NALF1: variants seen among roughly 807,000 people sequenced by gnomAD.
NALF1 encodes the protein NALCN channel auxiliary factor 1, also known as family with sequence similarity 155 member A.
NALF1 carries 3 observed loss-of-function variants against 48.4 expected under a neutral mutation model. That is an observed-to-expected ratio of 0.06 (90% CI 0.03 to 0.16). NALF1 has a LOEUF of 0.16. Ranked by LOEUF, NALF1 falls within the 10% of genes least tolerant of loss-of-function variation. The pLI, the probability that NALF1 is intolerant of heterozygous loss-of-function variation, is 1.00. For synonymous variants in NALF1, 262 were observed against 245.7 expected (o/e 1.07, Z -0.62); for missense variants, 526 against 571.5 (o/e 0.92, Z 0.81).
At position 107,210,810 on chromosome 13, in the gene NALF1, A is replaced by G. The variant is rs77079338; in HGVS notation, c.916-55T>C. Reference sequence around the variant, plus strand: ...GAGGCGTGACAACAGTTACAGTGATAGAGGCACTGTGAGAAGCGTGCAAGC... The same window carrying G: ...GAGGCGTGACAACAGTTACAGTGATGGAGGCACTGTGAGAAGCGTGCAAGC... On this transcript the variant is annotated intron_variant, in intron 1 of 2. Transcript: ENST00000375915. The G allele has an allele frequency of 1.3e-3, 1,634 of 1,266,448 alleles. 7 individuals are homozygous for G. The African/African-American group carries it at 0.015, about 12-fold the overall frequency. The allele number at this position is 1,266,448 out of a possible 1,614,324, so 78.5% of individuals were successfully genotyped here.
chr13:107,489,626 T>A (rs1366465784), intron 1 of NALF1, among the ~76,000 whole-genome samples: 1 of 152,080 alleles, frequency 6.6e-6, no homozygotes, highest in Non-Finnish European at 1.5e-5. Flanking sequence ...TAACTCCAGA[T>A]GGATTAAAGG....
At chr13:107,466,961 A>T (rs1885014019) in intron 1 of NALF1, among the ~76,000 whole-genome samples, 1 of 151,958 alleles carries the variant, frequency 6.6e-6, no homozygotes, top group Non-Finnish European at 1.5e-5. Flanking sequence ...TTCTCTGTCA[A>T]CTTTATTTAT....
intron 1 of NALF1, among the ~76,000 whole-genome samples, chr13:107,500,846 T>C (rs1237810042): frequency 1.3e-5 from 2 of 151,542 alleles, no homozygotes; most frequent in Non-Finnish European, 2.9e-5. Flanking sequence ...CAGCAAACTA[T>C]TGCAAGAACA....
intron 1 of NALF1, among the ~76,000 whole-genome samples, chr13:107,723,800 T>C (rs1452850422): frequency 6.6e-6 from 1 of 152,246 alleles, no homozygotes; most frequent in African/African-American, 2.4e-5. Context: ...GAAACTGTTG[T>C]CTAGCTTACA....
intron 1 of NALF1, among the ~76,000 whole-genome samples, chr13:107,727,507 T>A (rs531573051): frequency 1.3e-5 from 2 of 152,166 alleles, no homozygotes; most frequent in African/African-American, 2.4e-5. Context: ...CTTCCTTGAG[T>A]CCAGCAGTGG....
At chr13:107,548,913 A>C (rs1295286527) in intron 1 of NALF1, among the ~76,000 whole-genome samples, 1 of 152,148 alleles carries the variant, frequency 6.6e-6, no homozygotes, top group Non-Finnish European at 1.5e-5. Context: ...TATAAGTATT[A>C]TGCAGTTTCT....
At chr13:107,746,658 T>C (rs1320086513) in intron 1 of NALF1, among the ~76,000 whole-genome samples, 1 of 152,204 alleles carries the variant, frequency 6.6e-6, no homozygotes, top group South Asian at 2.1e-4. Flanking sequence ...ATGCACTAAA[T>C]GTAGAAGCTT....
At chr13:107,240,841 G>A (rs1355186492) in intron 1 of NALF1, among the ~76,000 whole-genome samples, 5 of 151,836 alleles carry the variant, frequency 3.3e-5, no homozygotes, top group Admixed American at 3.3e-4. Flanking sequence ...CAAGTGGAAT[G>A]GGAGAGTGTT....
At chr13:107,683,791 C>CT in intron 1 of NALF1, among the ~76,000 whole-genome samples, 1 of 152,196 alleles carries the variant, frequency 6.6e-6, no homozygotes, top group East Asian at 1.9e-4. Flanking sequence ...CATTTCTGCT[C>CT]TGGAAGGGTC....
intron 1 of NALF1, among the ~76,000 whole-genome samples, chr13:107,461,095 T>C (rs943087109): frequency 8.5e-5 from 13 of 152,114 alleles, no homozygotes; most frequent in African/African-American, 3.1e-4. Flanking sequence ...AGAATTATTT[T>C]GTTAAAAGAA....
intron 1 of NALF1, among the ~76,000 whole-genome samples, chr13:107,851,673 T>C (rs1880317001): frequency 6.6e-6 from 1 of 152,164 alleles, no homozygotes; most frequent in African/African-American, 2.4e-5. Flanking sequence ...ATTTCAAAGA[T>C]CTGAGTAAAA....
chr13:107,728,608 G>T (rs1484315684), intron 1 of NALF1, among the ~76,000 whole-genome samples: 1 of 152,032 alleles, frequency 6.6e-6, no homozygotes, highest in Non-Finnish European at 1.5e-5. Context: ...TGGATGACAG[G>T]TTGGTGGGTG....
At chr13:107,544,725 C>T (rs1044959783) in intron 1 of NALF1, among the ~76,000 whole-genome samples, 1 of 152,138 alleles carries the variant, frequency 6.6e-6, no homozygotes, top group South Asian at 2.1e-4. Flanking sequence ...ATTATTGACA[C>T]CAACTAATGC....
At position 107,736,223 on chromosome 13, in the gene NALF1, A is replaced by G. The variant is rs142904309; in HGVS notation, c.915+129459T>C. Among the ~76,000 whole-genome samples the G allele has an allele frequency of 5.2e-3, 294 of 56,558 alleles. 2 individuals are homozygous for G. The highest frequency in any genetic ancestry group is 0.014 in the African/African-American group (275 of 19,166). The allele number at this position is 56,558 out of a possible 152,430, so 37.1% of individuals were successfully genotyped here. ...CACACACACACACACACACACACAC[A>G]CGCGCGCGTGTACCTAATAAGCTGT... On this transcript the variant is annotated intron_variant, in intron 1 of 2. Coordinates refer to ENST00000375915, the MANE Select transcript of NALF1 (RefSeq NM_001080396.3).
chr13:107,804,899 T>C (rs1297329091), intron 1 of NALF1, among the ~76,000 whole-genome samples: 1 of 152,184 alleles, frequency 6.6e-6, no homozygotes, highest in Non-Finnish European at 1.5e-5. Context: ...ACTTCTTTGT[T>C]AATGTAAGCA....
chr13:107,415,626 C>A (rs1431914388), intron 1 of NALF1, among the ~76,000 whole-genome samples: 1 of 152,188 alleles, frequency 6.6e-6, no homozygotes, highest in Non-Finnish European at 1.5e-5. Context: ...ATTGCTGCCA[C>A]AACAGTCAGT....
intron 1 of NALF1, among the ~76,000 whole-genome samples, chr13:107,228,830 AG>A (rs1403268305): frequency 6.6e-6 from 1 of 152,104 alleles, no homozygotes; most frequent in Admixed American, 6.5e-5. Flanking sequence ...CATGTTGGCC[AG>A]GCTGGTCTTG....
chr13:107,385,577 A>AC (rs1883516799), intron 1 of NALF1, among the ~76,000 whole-genome samples: 2 of 149,008 alleles, frequency 1.3e-5, no homozygotes, highest in Admixed American at 6.7e-5. Flanking sequence ...AAAAAAAAAA[A>AC]CAAAGAAAAG....
intron 1 of NALF1, among the ~76,000 whole-genome samples, chr13:107,847,835 A>G (rs893967839): frequency 1.3e-5 from 2 of 152,232 alleles, no homozygotes; most frequent in African/African-American, 4.8e-5. Context: ...GTGAGATAAT[A>G]AACACGACTT....
Sources: gnomAD v4.1 joint callset for allele counts (sites outside exome capture counted in the v4.1 genomes callset) on GRCh38, gnomAD v4.1.1 for gene constraint, MANE v1.5 for transcripts, NCBI Gene and HGNC (gene_info 2026-07-23, HGNC 2026-07-21) for gene names.